Variants in PDSS2 observed in about 807,000 individuals in gnomAD.
PDSS2 encodes all trans-polyprenyl-diphosphate synthase PDSS2.
PDSS2 carries 31 observed loss-of-function variants against 44.5 expected under a neutral mutation model. That is an observed-to-expected ratio of 0.70 (90% confidence interval 0.52 to 0.94). The LOEUF is 0.94. Ranked by LOEUF, PDSS2 falls within the 40% of genes least tolerant of loss-of-function variation. The probability of loss-of-function intolerance (pLI) is 0.00; values close to 1 mark genes in which losing one functional copy is unlikely to be tolerated. For synonymous variants in PDSS2, 157 were observed against 180.3 expected (o/e 0.87, Z 1.03); for missense variants, 452 against 482.2 (o/e 0.94, Z 0.59).
intron 7 of PDSS2, among the ~76,000 whole-genome samples, chr6:107,189,864 G>A (rs1257759516): frequency 6.6e-6 from 1 of 152,016 alleles, no homozygotes; most frequent in Non-Finnish European, 1.5e-5. Flanking sequence ...AGCATCACCA[G>A]TCTGGGTAAC....
intron 1 of PDSS2, among the ~76,000 whole-genome samples, chr6:107,411,258 TACAG>T (rs781275082): frequency 1.5e-4 from 23 of 152,330 alleles, no homozygotes; most frequent in Non-Finnish European, 2.4e-4. Flanking sequence ...ATTTTGCTGT[TACAG>T]ACAATCTTGT....
rs1418461116 is a variant in PDSS2, at chr6:107,371,730, G to C, written c.297-37398C>G. Reference sequence around the variant, plus strand: ...CCTAGCTGGGTCTTAAAGCATTGTCGAGTCTAGGACACCTTAGATGCCAGT... The same window carrying C: ...CCTAGCTGGGTCTTAAAGCATTGTCCAGTCTAGGACACCTTAGATGCCAGT... On this transcript the variant is annotated intron_variant, in intron 1 of 7. Coordinates refer to ENST00000369037, the MANE Select transcript of PDSS2 (RefSeq NM_020381.4). Among the ~76,000 whole-genome samples, 5 of 152,122 alleles carry C rather than the reference G, an allele frequency of 3.3e-5. 1 individual carries two copies. The East Asian group carries it at 7.7e-4, about 23-fold the overall frequency.
chr6:107,215,761 C>A (rs906283745), intron 4 of PDSS2, among the ~76,000 whole-genome samples: 1 of 152,054 alleles, frequency 6.6e-6, no homozygotes, highest in Non-Finnish European at 1.5e-5. Context: ...TTAACTATAG[C>A]TTTCATACAT....
chr6:107,309,534 C>T (rs1776966585), intron 2 of PDSS2, among the ~76,000 whole-genome samples: 1 of 152,146 alleles, frequency 6.6e-6, no homozygotes, highest in South Asian at 2.1e-4. Context: ...CTTGGCCTAC[C>T]TTAAGCCTTC....
intron 3 of PDSS2, among the ~76,000 whole-genome samples, chr6:107,268,564 A>T (rs1444128896): frequency 6.6e-6 from 1 of 152,218 alleles, no homozygotes; most frequent in Non-Finnish European, 1.5e-5. Flanking sequence ...CTGAATATTT[A>T]AAAATAATGA....
chr6:107,216,547 G>C (rs1018896960), intron 4 of PDSS2, among the ~76,000 whole-genome samples: 1 of 151,766 alleles, frequency 6.6e-6, no homozygotes. Context: ...AACTGAATGC[G>C]CAAAACTGAA....
chr6:107,236,162 T>G (rs1164132335), intron 4 of PDSS2, among the ~76,000 whole-genome samples: 1 of 152,152 alleles, frequency 6.6e-6, no homozygotes, highest in Non-Finnish European at 1.5e-5. Flanking sequence ...GGAACAAAGA[T>G]AAAGATGGCA....
intron 1 of PDSS2, among the ~76,000 whole-genome samples, chr6:107,412,233 CTTT>C (rs1169549611): frequency 1.4e-5 from 1 of 73,430 alleles, no homozygotes; most frequent in Non-Finnish European, 2.5e-5. Context: ...GTCCTTTGCT[CTTT>C]TTTTTTTTTT....
At chr6:107,162,494 CAAAAAAAA>C (rs374615595) in intron 7 of PDSS2, among the ~76,000 whole-genome samples, 922 of 58,622 alleles carry the variant, frequency 0.016, 15 homozygotes, top group African/African-American at 0.052. Flanking sequence ...GAGACCATCT[CAAAAAAAA>C]AAAAAAAAAA....
intron 1 of PDSS2, among the ~76,000 whole-genome samples, chr6:107,339,023 C>T (rs1051103892): frequency 2.0e-5 from 3 of 151,988 alleles, no homozygotes; most frequent in East Asian, 1.9e-4. Flanking sequence ...TGAGCCAGGC[C>T]GTAAGTATTA....
At chr6:107,378,918 G>T (rs1779373687) in intron 1 of PDSS2, among the ~76,000 whole-genome samples, 1 of 152,158 alleles carries the variant, frequency 6.6e-6, no homozygotes, top group Admixed American at 6.5e-5. Flanking sequence ...TCATACCGAA[G>T]GTACATAAAA....
chr6:107,446,055 T>C (rs547390283), intron 1 of PDSS2, among the ~76,000 whole-genome samples: 2 of 152,134 alleles, frequency 1.3e-5, no homozygotes, highest in Non-Finnish European at 2.9e-5. Flanking sequence ...CGGTGGCTCA[T>C]GCCTGTAATC....
chr6:107,159,224 G>A (rs1771025966), intron 7 of PDSS2, among the ~76,000 whole-genome samples: 1 of 149,688 alleles, frequency 6.7e-6, no homozygotes, highest in Non-Finnish European at 1.5e-5. Flanking sequence ...CTATTTTGAC[G>A]TGATATACAA....
intron 2 of PDSS2, among the ~76,000 whole-genome samples, chr6:107,290,109 G>A (rs1046525929): frequency 1.3e-5 from 2 of 152,192 alleles, no homozygotes; most frequent in Non-Finnish European, 2.9e-5. Flanking sequence ...ATGACTTAAT[G>A]AGGACACCTA....
intron 1 of PDSS2, among the ~76,000 whole-genome samples, chr6:107,344,989 T>A (rs892883648): frequency 1.3e-5 from 2 of 152,102 alleles, no homozygotes; most frequent in Non-Finnish European, 2.9e-5. Flanking sequence ...AATTTTTACA[T>A]CTAAGCCCCT....
intron 1 of PDSS2, among the ~76,000 whole-genome samples, chr6:107,446,745 G>T (rs1781695368): frequency 6.6e-6 from 1 of 152,110 alleles, no homozygotes; most frequent in Non-Finnish European, 1.5e-5. Context: ...AAAACCATCA[G>T]ATCTCATGAG....
In PDSS2 at chr6:107,344,209, T is replaced by C. The variant is rs562200319; in HGVS notation, c.297-9877A>G. Among the ~76,000 whole-genome samples, 3 of 152,070 alleles carry C rather than the reference T, an allele frequency of 2.0e-5. 1 individual carries two copies. The highest frequency in any genetic ancestry group is 4.2e-4 in the South Asian group (2 of 4,814). The stretch of plus-strand genomic sequence containing the variant: ...ATGATGTTAAAAACATAAATATAAT[T>C]AGCAATTTGATGACAGCAATATTAC... On this transcript the variant is annotated intron_variant, in intron 1 of 7. Transcript: ENST00000369037.
intron 1 of PDSS2, among the ~76,000 whole-genome samples, chr6:107,390,063 G>A (rs563274206): frequency 9.2e-5 from 14 of 152,180 alleles, no homozygotes; most frequent in African/African-American, 2.9e-4. Context: ...CCCTGAGTCC[G>A]TATTGATACA....
chr6:107,193,931 A>G (rs1303801372), intron 6 of PDSS2, 77 bp from the exon 7 acceptor site: 2 of 881,426 alleles, frequency 2.3e-6, no homozygotes, highest in East Asian at 4.8e-5. Flanking sequence ...CTTCTCAAAG[A>G]ATAGAACTCA....
Sources: gnomAD v4.1 joint callset for allele counts (sites outside exome capture counted in the v4.1 genomes callset) on GRCh38, gnomAD v4.1.1 for gene constraint, MANE v1.5 for transcripts, NCBI Gene and HGNC (gene_info 2026-07-23, HGNC 2026-07-21) for gene names.